HIF1A: variants seen among roughly 807,000 people sequenced by gnomAD.
The protein encoded by HIF1A is hypoxia-inducible factor 1-alpha.
Under a neutral mutation model 92.7 loss-of-function variants are expected in HIF1A, and 24 were observed. The ratio of observed to expected loss-of-function variants is 0.26; its 90% confidence interval spans 0.19 to 0.36. The LOEUF (loss-of-function observed/expected upper bound fraction) is 0.36. Among genes scored for constraint, HIF1A ranks in the 10% least tolerant of loss-of-function variants. The pLI is 1.00. For synonymous variants in HIF1A, 319 were observed against 338.7 expected (o/e 0.94, Z 0.64); for missense variants, 799 against 998.5 (o/e 0.80, Z 2.69).
chr14:61,727,266 A>C, intron 5 of HIF1A, among the ~76,000 whole-genome samples, 187 bp from the exon 6 acceptor site: 1 of 152,256 alleles, frequency 6.6e-6, no homozygotes, highest in South Asian at 2.1e-4. Context: ...GGCCCTGGGC[A>C]GGAAGTAGGT....
intron 12 of HIF1A, among the ~76,000 whole-genome samples, chr14:61,741,444 C>T (rs553168726): frequency 2.7e-5 from 4 of 150,918 alleles, no homozygotes; most frequent in Admixed American, 2.6e-4. Context: ...CAGCTCACGG[C>T]AACCTCTGCC....
At chr14:61,720,076 T>G (rs1438897220) in intron 1 of HIF1A, among the ~76,000 whole-genome samples, 3 of 152,304 alleles carry the variant, frequency 2.0e-5, no homozygotes, top group Admixed American at 1.3e-4. Flanking sequence ...TACTTTAAAT[T>G]TTTGCCTAAA....
chr14:61,705,066 A>T (rs1442672805), intron 1 of HIF1A, among the ~76,000 whole-genome samples: 1 of 152,140 alleles, frequency 6.6e-6, no homozygotes, highest in African/African-American at 2.4e-5. Context: ...TCACAAGACA[A>T]TCTACTTATT....
At chr14:61,741,222 T>G in intron 12 of HIF1A, 34 bp downstream of exon 12, 1 of 1,427,404 alleles carries the variant, frequency 7.0e-7, no homozygotes, top group Non-Finnish European at 9.6e-7. Context: ...TATAGTTCTT[T>G]TATTATTTTT....
At chr14:61,711,229 T>C (rs111481744) in intron 1 of HIF1A, among the ~76,000 whole-genome samples, 423 of 114,660 alleles carry the variant, frequency 3.7e-3, no homozygotes, top group African/African-American at 0.011. Context: ...TTTTTTTTTT[T>C]TGAGACAGTG....
chr14:61,708,809 G>A (rs1206315125), intron 1 of HIF1A, among the ~76,000 whole-genome samples: 1 of 152,188 alleles, frequency 6.6e-6, no homozygotes, highest in Non-Finnish European at 1.5e-5. Context: ...AATTCTTCCA[G>A]GGGACTGTGA....
chr14:61,720,917 C>T (rs1312191479), intron 2 of HIF1A, among the ~76,000 whole-genome samples: 3 of 151,996 alleles, frequency 2.0e-5, no homozygotes, highest in Non-Finnish European at 4.4e-5. Flanking sequence ...CCCCCTTTTT[C>T]TCCTGTTCCA....
chr14:61,697,873 T>G, intron 1 of HIF1A: 1 of 1,520,176 alleles, frequency 6.6e-7, no homozygotes. Flanking sequence ...TGTCGGAGTT[T>G]GGAAAACAAA....
chr14:61,718,811 C>G (rs1246226652), intron 1 of HIF1A, among the ~76,000 whole-genome samples: 1 of 152,042 alleles, frequency 6.6e-6, no homozygotes, highest in Admixed American at 6.6e-5. Flanking sequence ...ACCATCTAAC[C>G]AGATGAAGAT....
intron 1 of HIF1A, among the ~76,000 whole-genome samples, chr14:61,715,038 A>G (rs1290970817): frequency 2.1e-5 from 3 of 139,580 alleles, no homozygotes; most frequent in East Asian, 4.1e-4. Flanking sequence ...CCGTCTCAGG[A>G]AAAAAAAAAA....
chr14:61,723,157 A>C (rs2044454031), intron 4 of HIF1A, among the ~76,000 whole-genome samples: 2 of 152,316 alleles, frequency 1.3e-5, no homozygotes, highest in Middle Eastern at 6.8e-3. Context: ...CCTCAAATTT[A>C]CTTTTTGTAT....
At chr14:61,732,185 G>A (rs1017963409) in intron 6 of HIF1A, among the ~76,000 whole-genome samples, 1 of 152,164 alleles carries the variant, frequency 6.6e-6, no homozygotes, top group African/African-American at 2.4e-5. Flanking sequence ...CAGGATTAAA[G>A]AGTTAAATAA....
chr14:61,707,152 T>G (rs2044247779), intron 1 of HIF1A, among the ~76,000 whole-genome samples: 1 of 152,264 alleles, frequency 6.6e-6, no homozygotes, highest in Non-Finnish European at 1.5e-5. Context: ...GTTAAGTATC[T>G]TCTTAGAGCA....
chr14:61,695,578 G>T lies in HIF1A; in HGVS notation c.-227G>T. 1 of 589,358 alleles carries T rather than the reference G, an allele frequency of 1.7e-6. No individual in the cohort carries two copies. Among genetic ancestry groups the T allele is most frequent in the South Asian group, 2.0e-5 (1 of 49,426 alleles). 36.5% of individuals were successfully genotyped at this position (589,358 alleles called of 1,614,324 possible). A position where few individuals can be genotyped will look rare whatever the true frequency, so the allele number is the denominator to read the frequency against. On this transcript the variant is annotated 5_prime_UTR_variant, in exon 1 of 15. Transcript: ENST00000337138. ...CCCTCTTCGTCGCTTCGGCCAGTGT[G>T]TCGGGCTGGGCCCTGACAAGCCACC...
At chr14:61,721,413 GTGTC>G in intron 2 of HIF1A, 92 bp from the exon 3 acceptor site, 1 of 975,078 alleles carries the variant, frequency 1.0e-6, no homozygotes, top group Non-Finnish European at 1.5e-6. Context: ...ATTAAATAAA[GTGTC>G]TGCGAGAAAA....
In HIF1A at chr14:61,695,593, GACA is replaced by G; in HGVS notation, c.-210_-208del. 1 of 600,078 alleles carries G rather than the reference GACA, an allele frequency of 1.7e-6. No homozygotes were observed. The highest frequency in any genetic ancestry group is 2.9e-6 in the Non-Finnish European group (1 of 340,100). 37.2% of individuals were successfully genotyped at this position (600,078 alleles called of 1,614,324 possible). A position where few individuals can be genotyped will look rare whatever the true frequency, so the allele number is the denominator to read the frequency against. The stretch of plus-strand genomic sequence containing the variant: ...CGGCCAGTGTGTCGGGCTGGGCCCT[GACA>G]AGCCACCTGAGGAGAGGCTCGGAGC... On this transcript the variant is annotated 5_prime_UTR_variant, in exon 1 of 15. Transcript: ENST00000337138.
In HIF1A at chr14:61,732,555, C is replaced by G. The variant is rs373632058; in HGVS notation, c.880+31C>G. On this transcript the variant is annotated intron_variant, in intron 7 of 14. Transcript: ENST00000337138. ...TACAATGGAAGAACTCAGAGATATT[C>G]TAATTACTTAACTGTTGCAACCTCT... is the stretch of plus-strand genomic sequence containing the variant. 2.3e-6 allele frequency: 3 copies of G among 1,330,116 alleles called. No individual in the cohort carries two copies. The African/African-American group carries it at 4.3e-5, about 19-fold the overall frequency. The allele number at this position is 1,330,116 out of a possible 1,614,324, so 82.4% of individuals were successfully genotyped here.
At chr14:61,729,161 T>C (rs2044543153) in intron 6 of HIF1A, among the ~76,000 whole-genome samples, 1 of 152,044 alleles carries the variant, frequency 6.6e-6, no homozygotes, top group Non-Finnish European at 1.5e-5. Context: ...ACATTCCTTA[T>C]CTATAAAATA....
chr14:61,734,120 T>C lies in HIF1A; in HGVS notation c.881-18T>C. On this transcript the variant is annotated intron_variant, in intron 7 of 14. Coordinates refer to ENST00000337138, the MANE Select transcript of HIF1A (RefSeq NM_001530.4). ...TAAAATATTTTCTCTGCATGATTCT[T>C]TTTCTTTTCCCCCCTAGTGTTTACT... 1 of 1,508,214 alleles carries C rather than the reference T, an allele frequency of 6.6e-7. No individual in the cohort carries two copies. Among genetic ancestry groups the C allele is most frequent in the East Asian group, 2.4e-5 (1 of 42,004 alleles). The allele number at this position is 1,508,214 out of a possible 1,614,324, so 93.4% of individuals were successfully genotyped here.
Sources: gnomAD v4.1 joint callset for allele counts (sites outside exome capture counted in the v4.1 genomes callset) on GRCh38, gnomAD v4.1.1 for gene constraint, MANE v1.5 for transcripts, NCBI Gene and HGNC (gene_info 2026-07-23, HGNC 2026-07-21) for gene names.